NKIRAS2: variants seen among roughly 807,000 people sequenced by gnomAD.
NKIRAS2 encodes NF-kappa-B inhibitor-interacting Ras-like protein 2.
Under a neutral mutation model 20.7 loss-of-function variants are expected in NKIRAS2, and 15 were observed. The ratio of observed to expected loss-of-function variants is 0.73; its 90% confidence interval spans 0.49 to 1.12. The LOEUF (loss-of-function observed/expected upper bound fraction) is 1.12, where lower values mean the gene tolerates loss of function less well. Among genes scored for constraint, NKIRAS2 ranks in the 50% most tolerant of loss-of-function variants. NKIRAS2 has a pLI of 0.00. For synonymous variants in NKIRAS2, 116 were observed against 101.4 expected (o/e 1.14, Z -0.87); for missense variants, 196 against 249.6 (o/e 0.79, Z 1.45).
At chr17:42,017,689 C>T (rs1373149951), upstream of NKIRAS2, 1 of 561,764 alleles carries the variant, frequency 1.8e-6, no homozygotes, top group Non-Finnish European at 3.2e-6. Flanking sequence ...GGTAGCCTCT[C>T]TAGGGCTTGG....
chr17:42,023,863 GAAC>G lies in NKIRAS2; in HGVS notation c.549_551del (p.Asn183del). On this transcript the variant is annotated inframe_deletion, in exon 4 of 4. Coordinates refer to ENST00000393885, the MANE Select transcript of NKIRAS2 (RefSeq NM_017595.6). ...AGTCTGCCTTCCCCCTCAGCCGGAA[GAAC>G]AAGGGCAGCGGCTCCTTGGATGGCT... The G allele has an allele frequency of 6.2e-7, 1 of 1,614,160 alleles. No individual in the cohort carries two copies. The highest frequency in any genetic ancestry group is 8.5e-7 in the Non-Finnish European group (1 of 1,180,024).
intron 2 of NKIRAS2, chr17:42,021,938 G>A (rs188182178): frequency 8.3e-5 from 53 of 636,388 alleles, no homozygotes; most frequent in South Asian, 4.3e-4. Flanking sequence ...GGCCGGGTGC[G>A]GTGGATCACG....
At chr17:42,022,355 C>CCAT in intron 2 of NKIRAS2, 44 bp from the exon 3 acceptor site, 1 of 1,536,280 alleles carries the variant, frequency 6.5e-7, no homozygotes, top group Non-Finnish European at 8.8e-7. Flanking sequence ...CTCACATTTC[C>CCAT]CATCTCTCTC....
At position 42,022,561 on chromosome 17, in the gene NKIRAS2, A is replaced by G. The variant is rs782198801; in HGVS notation, c.257A>G (p.Tyr86Cys). 2 of 1,614,126 alleles carry G rather than the reference A, an allele frequency of 1.2e-6. No homozygotes were observed. Among genetic ancestry groups the G allele is most frequent in the Non-Finnish European group, 1.7e-6 (2 of 1,180,000 alleles). The change falls in exon 3 of 4, where the codon TAT (tyrosine) becomes TGT (cysteine). Residue 86 changes from tyrosine (Y) to cysteine (C), a missense_variant. Physicochemically the swap from Tyr to Cys is radical, Grantham distance 194. Coordinates refer to ENST00000393885, the MANE Select transcript of NKIRAS2 (RefSeq NM_017595.6). ...TGCACTGATGGCTACGTCCTGGTCT[A>G]TAGCACAGATAGCAGAGAGTCTTTT... The part of the protein sequence containing the change: ...FSCTDGYVLV[Y>C]STDSRESFQR...
intron 3 of NKIRAS2, 58 bp from the exon 4 acceptor site, chr17:42,023,594 CAT>C: frequency 1.3e-6 from 2 of 1,533,656 alleles, no homozygotes; most frequent in Non-Finnish European, 1.8e-6. Flanking sequence ...TGCCAGCCCC[CAT>C]GTCCATTCCT....
rs1465096072 is a variant in NKIRAS2 at position 42,022,568 on chromosome 17, A to G, written c.264A>G (p.Thr88=). ...CTDGYVLVYS[T]DSRESFQRVE... ...ATGGCTACGTCCTGGTCTATAGCAC[A>G]GATAGCAGAGAGTCTTTTCAGCGTG... Residue 88 remains threonine, a synonymous_variant, in exon 3 of 4, where the codon ACA becomes ACG. Coordinates refer to ENST00000393885, the MANE Select transcript of NKIRAS2 (RefSeq NM_017595.6). The G allele has an allele frequency of 5.0e-6, 8 of 1,614,116 alleles. No homozygotes were observed. Among genetic ancestry groups the G allele is most frequent in the Non-Finnish European group, 6.8e-6 (8 of 1,180,018 alleles).
At chr17:42,022,367 C>A in intron 2 of NKIRAS2, 32 bp from the exon 3 acceptor site, 1 of 1,545,244 alleles carries the variant, frequency 6.5e-7, no homozygotes, top group Non-Finnish European at 8.8e-7. Context: ...ATCTCTCTCT[C>A]CACTTCAGAC....
At chr17:42,021,975 T>A (rs2052462845) in intron 2 of NKIRAS2, 1 of 589,338 alleles carries the variant, frequency 1.7e-6, no homozygotes. Context: ...TTTGGGAGGC[T>A]GAGGCGGGTG....
At chr17:42,018,960 T>C (rs1215079894), upstream of NKIRAS2, among the ~76,000 whole-genome samples, 1 of 152,270 alleles carries the variant, frequency 6.6e-6, no homozygotes, top group African/African-American at 2.4e-5. Flanking sequence ...ATGTAATTAT[T>C]ATCTTTCCTA....
intron 3 of NKIRAS2, among the ~76,000 whole-genome samples, chr17:42,023,446 G>C (rs538809868): frequency 6.6e-6 from 1 of 152,326 alleles, no homozygotes; most frequent in South Asian, 2.1e-4. Context: ...TAAAAGGAGG[G>C]CTAGATGGAG....
chr17:42,021,246 C>G (rs2052440198), intron 1 of NKIRAS2: 1 of 263,580 alleles, frequency 3.8e-6, no homozygotes, highest in Admixed American at 4.7e-5. Context: ...TTTATGGCAG[C>G]ATTTCCAAGC....
intron 3 of NKIRAS2, 105 bp from the exon 4 acceptor site, chr17:42,023,549 C>A: frequency 1.0e-6 from 1 of 954,944 alleles, no homozygotes. Context: ...AGATATCAGC[C>A]ATTGAGCTTT....
chr17:42,021,273 ATACTGGCTAGG>A (rs1431562109), intron 1 of NKIRAS2: 5 of 310,540 alleles, frequency 1.6e-5, no homozygotes, highest in African/African-American at 1.1e-4. Flanking sequence ...CCTGTGACAG[ATACTGGCTAGG>A]TACTGGGGAT....
chr17:42,020,473 T>A (rs782167417), intron 1 of NKIRAS2: 5 of 149,172 alleles, frequency 3.4e-5, no homozygotes, highest in Non-Finnish European at 7.4e-5. Context: ...CTGGGGGGGA[T>A]CTTTGTCTGG....
rs782738985 is a variant in NKIRAS2, at chr17:42,021,615, C to T, written c.38C>T (p.Ala13Val). The T allele has an allele frequency of 1.1e-5, 17 of 1,613,978 alleles. No individual in the cohort carries two copies. The highest frequency in any genetic ancestry group is 4.4e-5 in the South Asian group (4 of 91,084). Residue 13 changes from alanine to valine, a missense_variant, in exon 2 of 4, where the codon GCG becomes GTG. Physicochemically the swap from Ala to Val is moderately conservative, Grantham distance 64 (BLOSUM62 0). Transcript: ENST00000393885. ...KSCKVVVCGQ[A>V]SVGKTSILEQ... ...TGCAAGGTGGTCGTGTGTGGCCAGG[C>T]GTCTGTGGGCAAAACTTCAATCCTG...
intron 1 of NKIRAS2, chr17:42,021,128 G>T (rs2052436924): frequency 5.8e-6 from 1 of 172,194 alleles, no homozygotes; most frequent in Admixed American, 5.5e-5. Flanking sequence ...TCTCCATGGG[G>T]TCATGGTTAA....
intron 1 of NKIRAS2, chr17:42,020,650 T>C (rs1317950626): frequency 2.0e-5 from 3 of 152,248 alleles, no homozygotes; most frequent in African/African-American, 7.2e-5. Flanking sequence ...TTCATTCTTT[T>C]CTCTCTTGTC....
At chr17:42,022,752 C>A in intron 3 of NKIRAS2, 112 bp downstream of exon 3, 2 of 1,359,016 alleles carry the variant, frequency 1.5e-6, no homozygotes, top group Non-Finnish European at 2.0e-6. Flanking sequence ...GAGTTAGGAG[C>A]CAGAGGTGGG....
chr17:42,021,730 T>G (rs1555653076), intron 2 of NKIRAS2, 59 bp downstream of exon 2: 1 of 1,469,980 alleles, frequency 6.8e-7, no homozygotes, highest in Non-Finnish European at 9.5e-7. Flanking sequence ...GGAATAGGAC[T>G]TGATCACAAC....
Sources: allele counts gnomAD v4.1 joint callset (sites outside exome capture counted in the v4.1 genomes callset), GRCh38; gene constraint gnomAD v4.1.1; transcripts MANE v1.5; gene names NCBI Gene and HGNC (gene_info 2026-07-23, HGNC 2026-07-21).